CENPP: variants seen among roughly 807,000 people sequenced by gnomAD.
CENPP encodes centromere protein P.
A neutral mutation model predicts 35.6 loss-of-function variants in CENPP; 24 were observed. That is an observed-to-expected ratio of 0.67 (90% CI 0.49 to 0.95). The LOEUF (loss-of-function observed/expected upper bound fraction) is 0.95. Among genes scored for constraint, CENPP ranks in the 40% least tolerant of loss-of-function variants. The pLI is 0.00. For missense variants in CENPP, 332 were observed against 345.3 expected, an observed-to-expected ratio of 0.96 and a Z score of 0.31; for synonymous variants, 120 against 125.5, an observed-to-expected ratio of 0.96 and a Z score of 0.29.
Position 92,615,959 on chromosome 9 carries a change from T to C in CENPP, c.*2810T>C. 1 of 1,614,114 alleles carries C rather than the reference T, an allele frequency of 6.2e-7. No homozygotes were observed. The highest frequency in any genetic ancestry group is 2.2e-5 in the East Asian group (1 of 44,882). On this transcript the variant is annotated 3_prime_UTR_variant, in exon 8 of 8. Transcript: ENST00000375587. Reference sequence around the variant, plus strand: ...GATCTTGCCGTCCAGTTTATACTGATGGGGAATGCTCTCGTAGGGCTTGAG... The same window carrying C: ...GATCTTGCCGTCCAGTTTATACTGACGGGGAATGCTCTCGTAGGGCTTGAG...
At chr9:92,359,706 G>C (rs1323457801) in intron 4 of CENPP, among the ~76,000 whole-genome samples, 2 of 152,082 alleles carry the variant, frequency 1.3e-5, no homozygotes, top group Non-Finnish European at 2.9e-5. Context: ...AACTACAATG[G>C]CTGCCTGACT....
At chr9:92,429,505 G>A (rs1844049552) in intron 5 of CENPP, among the ~76,000 whole-genome samples, 1 of 152,072 alleles carries the variant, frequency 6.6e-6, no homozygotes, top group African/African-American at 2.4e-5. Context: ...GTCATTTTCA[G>A]GCCAAGTGCA....
intron 5 of CENPP, among the ~76,000 whole-genome samples, chr9:92,430,608 G>A (rs1371403148): frequency 1.3e-5 from 2 of 151,642 alleles, no homozygotes; most frequent in Admixed American, 6.6e-5. Flanking sequence ...TGCCCTCTTC[G>A]GCCTCCCAAA....
At chr9:92,537,318 A>G (rs997413608) in intron 5 of CENPP, among the ~76,000 whole-genome samples, 6 of 152,242 alleles carry the variant, frequency 3.9e-5, no homozygotes, top group Admixed American at 3.3e-4. Flanking sequence ...GACTAAATAC[A>G]TAAGCCACTC....
At chr9:92,383,774 T>C (rs1842325479) in intron 5 of CENPP, among the ~76,000 whole-genome samples, 1 of 152,172 alleles carries the variant, frequency 6.6e-6, no homozygotes, top group Non-Finnish European at 1.5e-5. Flanking sequence ...TTCTCCCTTA[T>C]CATTATCTTA....
At chr9:92,445,654 T>G (rs1844533989) in intron 5 of CENPP, among the ~76,000 whole-genome samples, 1 of 152,074 alleles carries the variant, frequency 6.6e-6, no homozygotes, top group Non-Finnish European at 1.5e-5. Flanking sequence ...GAGGCCGAGG[T>G]GGGCCAATCA....
At chr9:92,384,735 C>T (rs1432849869) in intron 5 of CENPP, 1 of 151,860 alleles carries the variant, frequency 6.6e-6, no homozygotes, top group Non-Finnish European at 1.5e-5. Context: ...CTGTTTTCAT[C>T]TTATGCTTGA....
In CENPP at chr9:92,523,691, A is replaced by G. The variant is rs566385601; in HGVS notation, c.565-87623A>G. ...TGAATCTCCTTTGTGCTTAAACAGCATATCTTTAACTTATTGGAGAGTAGC... is the reference window on the plus strand; with the variant it reads ...TGAATCTCCTTTGTGCTTAAACAGCGTATCTTTAACTTATTGGAGAGTAGC... On this transcript the variant is annotated intron_variant, in intron 5 of 7. Coordinates refer to ENST00000375587, the MANE Select transcript of CENPP (RefSeq NM_001012267.3). Among the ~76,000 whole-genome samples, 10 of 152,344 alleles carry G rather than the reference A, an allele frequency of 6.6e-5. No homozygotes were observed. The South Asian group carries it at 2.1e-3, about 32-fold the overall frequency.
Position 92,375,805 on chromosome 9 carries a change from T to C in CENPP, c.468-3958T>C, listed in dbSNP as rs1223089332. 4.6e-5 allele frequency among the ~76,000 whole-genome samples: 7 copies of C among 152,090 alleles called. No individual in the cohort carries two copies. In the East Asian group the frequency reaches 1.3e-3, roughly 29 times the overall value. On this transcript the variant is annotated intron_variant, in intron 4 of 7. Coordinates refer to ENST00000375587, the MANE Select transcript of CENPP (RefSeq NM_001012267.3). The stretch of plus-strand genomic sequence containing the variant: ...ATTTAAGACAGTTGATTTAAAATCA[T>C]AGCCTAGTAATTCCCCTAGTCATTC...
intron 5 of CENPP, chr9:92,509,879 GA>G: frequency 1.3e-6 from 2 of 1,592,450 alleles, no homozygotes; most frequent in Non-Finnish European, 1.7e-6. Context: ...GCATATCATT[GA>G]AAAACAAATA....
chr9:92,512,462 T>C (rs1329349198), intron 5 of CENPP, among the ~76,000 whole-genome samples: 1 of 152,190 alleles, frequency 6.6e-6, no homozygotes, highest in African/African-American at 2.4e-5. Flanking sequence ...TGTGGAAGGT[T>C]ACACAGAAAC....
At chr9:92,569,124 C>T (rs572030688) in intron 5 of CENPP, among the ~76,000 whole-genome samples, 35 of 152,250 alleles carry the variant, frequency 2.3e-4, no homozygotes, top group Admixed American at 1.6e-3. Flanking sequence ...GTTGCCATTG[C>T]TTTTGGTGTT....
chr9:92,514,670 G>C, intron 5 of CENPP: 2 of 1,604,642 alleles, frequency 1.2e-6, no homozygotes, highest in Non-Finnish European at 1.7e-6. Context: ...GCTGTCAGCG[G>C]TGGTATCTGG....
intron 5 of CENPP, among the ~76,000 whole-genome samples, chr9:92,449,437 CAAAAAAAAAAAAAAAAAAAAAA>C (rs56218626): frequency 1.2e-3 from 67 of 54,958 alleles, no homozygotes; most frequent in Non-Finnish European, 1.7e-3. Context: ...ACTCTATCTC[CAAAAAAAAAAAAAAAAAAAAAA>C]AAAAAAAAAA....
chr9:92,489,131 A>G (rs1337241674), intron 5 of CENPP, among the ~76,000 whole-genome samples: 1 of 152,226 alleles, frequency 6.6e-6, no homozygotes, highest in African/African-American at 2.4e-5. Flanking sequence ...CCGGGCTTAC[A>G]GTCTCGAATG....
At chr9:92,438,193 C>G (rs955682858) in intron 5 of CENPP, among the ~76,000 whole-genome samples, 7 of 152,102 alleles carry the variant, frequency 4.6e-5, no homozygotes, top group Admixed American at 2.6e-4. Flanking sequence ...ATATTTTTTC[C>G]TGTTTCTTCC....
intron 5 of CENPP, among the ~76,000 whole-genome samples, chr9:92,436,803 C>T (rs536184053): frequency 6.6e-6 from 1 of 152,300 alleles, no homozygotes; most frequent in African/African-American, 2.4e-5. Flanking sequence ...GTCTTGAAAT[C>T]AAGTAGAATG....
At chr9:92,329,692 G>T (rs992725945) in intron 1 of CENPP, among the ~76,000 whole-genome samples, 1 of 151,986 alleles carries the variant, frequency 6.6e-6, no homozygotes, top group African/African-American at 2.4e-5. Context: ...GGGACTGAAG[G>T]CATGGCACCT....
chr9:92,567,403 T>TATATATAGATAGATAGATAGATAG (rs1554688343), intron 5 of CENPP, among the ~76,000 whole-genome samples: 2 of 138,660 alleles, frequency 1.4e-5, no homozygotes, highest in Non-Finnish European at 3.1e-5. Context: ...TATAGATATA[T>TATATATAGATAGATAGATAGATAG]ATATAAAGTG....
Sources: allele counts gnomAD v4.1 joint callset (sites outside exome capture counted in the v4.1 genomes callset), GRCh38; gene constraint gnomAD v4.1.1; transcripts MANE v1.5; gene names NCBI Gene and HGNC (gene_info 2026-07-23, HGNC 2026-07-21).